PPFIA3: variants seen among roughly 807,000 people sequenced by gnomAD.
The protein encoded by PPFIA3 is liprin-alpha-3.
PPFIA3 carries 26 observed loss-of-function variants against 145.8 expected under a neutral mutation model. The ratio of observed to expected loss-of-function variants is 0.18; its 90% CI spans 0.13 to 0.25. PPFIA3 has a LOEUF of 0.25. Ranked by LOEUF, PPFIA3 falls within the 10% of genes least tolerant of loss-of-function variation. PPFIA3 has a pLI of 1.00. For missense variants in PPFIA3, 1,008 were observed against 1,587.8 expected, an observed-to-expected ratio of 0.63 and a Z score of 6.21; for synonymous variants, 645 against 661.4, an observed-to-expected ratio of 0.98 and a Z score of 0.38.
At chr19:49,147,738 T>C (rs902922023) in intron 23 of PPFIA3, among the ~76,000 whole-genome samples, 1 of 83,678 alleles carries the variant, frequency 1.2e-5, no homozygotes, top group African/African-American at 7.8e-5. Context: ...AATTTAAAAA[T>C]AAATATAATG....
intron 22 of PPFIA3, 76 bp from the exon 23 acceptor site, chr19:49,146,089 TA>T (rs2122644347): frequency 6.2e-7 from 1 of 1,607,996 alleles, no homozygotes; most frequent in East Asian, 2.2e-5. Flanking sequence ...TGGCCATCCC[TA>T]AGTCCGCTCC....
chr19:49,123,803 G>A (rs778291036), intron 1 of PPFIA3, among the ~76,000 whole-genome samples: 3 of 152,028 alleles, frequency 2.0e-5, no homozygotes, highest in Non-Finnish European at 2.9e-5. Context: ...TCCTTCCCCC[G>A]GTTCTAGGTT....
rs926230976 is a variant in PPFIA3 at position 49,120,878 on chromosome 19, C to T, written c.-16+1156C>T. 6.6e-6 allele frequency among the ~76,000 whole-genome samples: 1 copy of T among 152,144 alleles called. No individual in the cohort carries two copies. The highest frequency in any genetic ancestry group is 2.4e-5 in the African/African-American group (1 of 41,436). On this transcript the variant is annotated intron_variant, in intron 1 of 29. Transcript: ENST00000334186. The surrounding 1 kb of genome is among the most constrained non-coding windows in gnomAD (Gnocchi z 4.6). ...CCCTCTCTCCAAACAAGACCTCAGG[C>T]TCTCACCTTCCAATCCCCCATCATT...
At chr19:49,136,986 T>C in intron 15 of PPFIA3, 75 bp downstream of exon 15, 1 of 1,359,304 alleles carries the variant, frequency 7.4e-7, no homozygotes, top group Non-Finnish European at 9.7e-7. Flanking sequence ...TCTGGAGGCC[T>C]GAAAGCCTGA....
chr19:49,130,484 G>A lies in PPFIA3; in HGVS notation c.764G>A (p.Arg255His), dbSNP rs1489695118. 2.5e-6 allele frequency: 4 copies of A among 1,603,152 alleles called. No homozygotes were observed. The highest frequency in any genetic ancestry group is 3.4e-6 in the Non-Finnish European group (4 of 1,175,670). ...QRAEVCQLRERLAVLCRQMSQ... is the reference protein window; with the variant it reads ...QRAEVCQLREHLAVLCRQMSQ... ...GCCGAGGTGTGCCAGCTGCGGGAGCGCCTGGCGGTGCTGTGCCGTCAGATG... is the reference window on the plus strand; with the variant it reads ...GCCGAGGTGTGCCAGCTGCGGGAGCACCTGGCGGTGCTGTGCCGTCAGATG... Residue 255 changes from arginine to histidine, a missense_variant, in exon 7 of 30, where the codon CGC (arginine) becomes CAC (histidine). Physicochemically the swap from Arg to His is conservative, Grantham distance 29. Around this residue, in one of 11 missense-constraint regions of PPFIA3, gnomAD observed 136 missense variants for 160.7 expected, o/e 0.85. Coordinates refer to ENST00000334186, the MANE Select transcript of PPFIA3 (RefSeq NM_003660.4). The surrounding 1 kb of genome is among the most constrained non-coding windows in gnomAD (Gnocchi z 4.5).
chr19:49,134,277 C>G (rs2041111027), intron 11 of PPFIA3, 112 bp downstream of exon 11: 2 of 1,401,454 alleles, frequency 1.4e-6, no homozygotes, highest in Non-Finnish European at 1.9e-6. Context: ...CTCCCTAAAC[C>G]CCGGCATCCT....
chr19:49,148,274 C>T lies in PPFIA3; in HGVS notation c.3011+16C>T, dbSNP rs2041302535. On this transcript the variant is annotated intron_variant, in intron 24 of 29. Transcript: ENST00000334186. ...GCTTTCACAGGTGGGGGCTGCCTGG[C>T]CAGTGGGGACAGTCCAAAGGGAAGC... 1 of 1,609,932 alleles carries T rather than the reference C, an allele frequency of 6.2e-7. No homozygotes were observed. The highest frequency in any genetic ancestry group is 1.3e-5 in the African/African-American group (1 of 75,006).
At chr19:49,142,535 TTC>T (rs927501462) in intron 20 of PPFIA3, among the ~76,000 whole-genome samples, 8 of 147,884 alleles carry the variant, frequency 5.4e-5, no homozygotes, top group South Asian at 2.2e-4. Flanking sequence ...CTCTATTTCT[TTC>T]TCTCTCTCTC....
At chr19:49,146,501 C>T in intron 23 of PPFIA3, 1 of 473,032 alleles carries the variant, frequency 2.1e-6, no homozygotes, top group Non-Finnish European at 3.8e-6. Context: ...GCCGGTGTCC[C>T]TATAGTGGAG....
intron 19 of PPFIA3, among the ~76,000 whole-genome samples, chr19:49,141,809 CTTTT>C (rs1277534840): frequency 4.7e-5 from 7 of 148,574 alleles, no homozygotes; most frequent in Non-Finnish European, 7.5e-5. Context: ...TTTTTTGTTT[CTTTT>C]GTTTTTCTTA....
Position 49,150,251 on chromosome 19 carries a change from C to G in PPFIA3, c.*29C>G, listed in dbSNP as rs2122671154. On this transcript the variant is annotated 3_prime_UTR_variant, in exon 30 of 30. Coordinates refer to ENST00000334186, the MANE Select transcript of PPFIA3 (RefSeq NM_003660.4). ...CGTCATGCAGGTGACCTCACTCGGA[C>G]GGAAGAATCTTCCCGAGGCTGGGCT... is the stretch of plus-strand genomic sequence containing the variant. The G allele has an allele frequency of 1.8e-6, 2 of 1,098,370 alleles. No individual in the cohort carries two copies. Among genetic ancestry groups the G allele is most frequent in the Non-Finnish European group, 2.6e-6 (2 of 765,506 alleles). The allele number at this position is 1,098,370 out of a possible 1,614,324, so 68.0% of individuals were successfully genotyped here.
chr19:49,132,382 C>T (rs2041084571), intron 7 of PPFIA3, among the ~76,000 whole-genome samples: 1 of 106,456 alleles, frequency 9.4e-6, no homozygotes, highest in Non-Finnish European at 1.8e-5. Context: ...GAGCAAGACT[C>T]TCTCTCTCAA....
chr19:49,148,853 C>A (rs900507445), intron 25 of PPFIA3, 90 bp downstream of exon 25: 9 of 1,509,346 alleles, frequency 6.0e-6, no homozygotes, highest in African/African-American at 5.1e-5. Flanking sequence ...ACCGGAGAAG[C>A]AAATTGGCAC....
chr19:49,139,879 A>G (rs752222982), intron 17 of PPFIA3, 48 bp downstream of exon 17: 5 of 1,611,302 alleles, frequency 3.1e-6, no homozygotes, highest in Non-Finnish European at 4.2e-6. Context: ...GCTTGGGAAG[A>G]TGAGAAGGGG....
intron 4 of PPFIA3, 98 bp downstream of exon 4, chr19:49,129,110 G>A: frequency 1.5e-6 from 2 of 1,311,572 alleles, no homozygotes; most frequent in Non-Finnish European, 2.1e-6. Flanking sequence ...GGTTGGGGAT[G>A]TTCTGAGTTG....
At chr19:49,143,043 A>G in intron 21 of PPFIA3, 39 bp downstream of exon 21, 1 of 1,586,192 alleles carries the variant, frequency 6.3e-7, no homozygotes, top group Non-Finnish European at 8.6e-7. Flanking sequence ...TCGCTTCCTC[A>G]GAGCCCCGCC....
In PPFIA3 at chr19:49,130,539, G is replaced by T. The variant is rs1025135957; in HGVS notation, c.819G>T (p.Ala273=). 3.2e-6 allele frequency: 5 copies of T among 1,578,456 alleles called. No homozygotes were observed. Among genetic ancestry groups the T allele is most frequent in the African/African-American group, 1.3e-5 (1 of 74,496 alleles). The part of the protein sequence containing the change: ...MSQLEEELGT[A]HRELGKAEEA... Reference sequence around the variant, plus strand: ...AGCTGGAGGAGGAGTTGGGCACCGCGCACCGTGAGCTGGGCAAGGCAGAGG... The same window carrying T: ...AGCTGGAGGAGGAGTTGGGCACCGCTCACCGTGAGCTGGGCAAGGCAGAGG... Residue 273 remains alanine, a synonymous_variant, in exon 7 of 30, where the codon GCG becomes GCT. Coordinates refer to ENST00000334186, the MANE Select transcript of PPFIA3 (RefSeq NM_003660.4). This position sits in a 1 kb window ranked among gnomAD's most constrained non-coding sequence, Gnocchi z 4.5.
intron 23 of PPFIA3, 37 bp from the exon 24 acceptor site, chr19:49,148,046 A>AG (rs759934390): frequency 5.0e-5 from 80 of 1,584,648 alleles, no homozygotes; most frequent in Non-Finnish European, 6.7e-5. Context: ...AAGGGGCCAG[A>AG]GGGCCTGACT....
At chr19:49,146,913 G>C (rs571996347) in intron 23 of PPFIA3, among the ~76,000 whole-genome samples, 4 of 152,100 alleles carry the variant, frequency 2.6e-5, no homozygotes, top group South Asian at 2.1e-4. Flanking sequence ...CTGGGTGATA[G>C]AGCCAGATTC....
Sources: gnomAD v4.1 joint callset for allele counts (sites outside exome capture counted in the v4.1 genomes callset) on GRCh38, gnomAD v4.1.1 for gene constraint, gnomAD v4.1.1 regional missense constraint, Gnocchi (gnomAD v3.1) non-coding constraint, MANE v1.5 for transcripts, NCBI Gene and HGNC (gene_info 2026-07-23, HGNC 2026-07-21) for gene names.